The following FARS2 variants were observed in gnomAD, a reference collection of about 807,000 sequenced individuals.
FARS2 encodes the protein phenylalanine--tRNA ligase, mitochondrial.
A neutral mutation model predicts 46.4 loss-of-function variants in FARS2; 40 were observed. The ratio of observed to expected loss-of-function variants is 0.86; its 90% CI spans 0.67 to 1.12. The LOEUF (loss-of-function observed/expected upper bound fraction) is 1.12, where lower values mean the gene tolerates loss of function less well. FARS2 is among the 50% of genes most tolerant of loss of function. The probability of loss-of-function intolerance (pLI) is 0.00; values close to 1 mark genes in which losing one functional copy is unlikely to be tolerated. For missense variants in FARS2, 513 were observed against 567.9 expected (o/e 0.90, Z 0.98); for synonymous variants, 234 against 214.9 (o/e 1.09, Z -0.78).
rs542796717 is a variant in FARS2 at position 5,440,710 on chromosome 6, G to C, written c.904+9538G>C. Among the ~76,000 whole-genome samples, 8 of 152,220 alleles carry C rather than the reference G, an allele frequency of 5.3e-5. No individual in the cohort carries two copies. In the South Asian group the frequency reaches 1.2e-3, roughly 24 times the overall value. ...TTGTTATTGTTTTTTAGAAGTGGAG[G>C]GGGGGTGTCTCACTGTGTTGCCCAG... is the stretch of plus-strand genomic sequence containing the variant. On this transcript the variant is annotated intron_variant, in intron 4 of 6. Transcript: ENST00000274680.
intron 6 of FARS2, among the ~76,000 whole-genome samples, chr6:5,617,018 A>T (rs1306819025): frequency 6.6e-6 from 1 of 152,080 alleles, no homozygotes; most frequent in African/African-American, 2.4e-5. Flanking sequence ...GTTCAAGGGG[A>T]ATGCTGAATG....
intron 1 of FARS2, among the ~76,000 whole-genome samples, chr6:5,330,008 G>T (rs1770684313): frequency 6.6e-6 from 1 of 152,120 alleles, no homozygotes; most frequent in Admixed American, 6.5e-5. Flanking sequence ...TATTTCTGGA[G>T]ACCCTTGTCC....
chr6:5,703,963 T>G (rs182452477), intron 6 of FARS2, among the ~76,000 whole-genome samples: 1 of 152,218 alleles, frequency 6.6e-6, no homozygotes, highest in African/African-American at 2.4e-5. Context: ...CTGAGCTCCT[T>G]CCTCCCTCTT....
At chr6:5,721,810 T>G (rs1471421356) in intron 6 of FARS2, among the ~76,000 whole-genome samples, 1 of 152,248 alleles carries the variant, frequency 6.6e-6, no homozygotes, top group African/African-American at 2.4e-5. Context: ...CTGCCATCAT[T>G]GGTCTGTCAG....
intron 5 of FARS2, among the ~76,000 whole-genome samples, chr6:5,607,333 T>A (rs2150655292): frequency 6.9e-6 from 1 of 145,492 alleles, no homozygotes; most frequent in South Asian, 2.2e-4. Flanking sequence ...GTGTGTGTAT[T>A]TCTTAAAGAA....
chr6:5,639,098 C>G lies in FARS2; in HGVS notation c.1217+25778C>G, dbSNP rs561108412. ...AAAGAGACCTGTGTTCTGACCCCAG[C>G]TTCTCTCTCATCTGGACAAGTTACT... On this transcript the variant is annotated intron_variant, in intron 6 of 6. Coordinates refer to ENST00000274680, the MANE Select transcript of FARS2 (RefSeq NM_006567.5). 2.0e-5 allele frequency among the ~76,000 whole-genome samples: 3 copies of G among 152,346 alleles called. No individual in the cohort carries two copies. In the South Asian group the frequency reaches 6.2e-4, roughly 32 times the overall value.
At chr6:5,572,927 T>C (rs1052795225) in intron 5 of FARS2, among the ~76,000 whole-genome samples, 6 of 152,330 alleles carry the variant, frequency 3.9e-5, no homozygotes, top group African/African-American at 1.4e-4. Context: ...TACTGTCTCA[T>C]GTTAATAGTT....
At position 5,727,352 on chromosome 6, in the gene FARS2, C is replaced by G. The variant is rs1403911702; in HGVS notation, c.1218-43939C>G. ...GAACACTGCGTTTGTGCCTGTCTCA[C>G]AGCGCCTGCTACTTTCTCTGAGGCA... is the stretch of plus-strand genomic sequence containing the variant. On this transcript the variant is annotated intron_variant, in intron 6 of 6. Coordinates refer to ENST00000274680, the MANE Select transcript of FARS2 (RefSeq NM_006567.5). The surrounding 1 kb of genome is among the most constrained non-coding windows in gnomAD (Gnocchi z 4.1). Among the ~76,000 whole-genome samples, 2 of 152,246 alleles carry G rather than the reference C, an allele frequency of 1.3e-5. No homozygotes were observed. The highest frequency in any genetic ancestry group is 2.9e-5 in the Non-Finnish European group (2 of 68,048).
intron 1 of FARS2, among the ~76,000 whole-genome samples, chr6:5,361,658 T>C (rs771994222): frequency 6.6e-6 from 1 of 152,218 alleles, no homozygotes; most frequent in African/African-American, 2.4e-5. Context: ...CACCATTGTT[T>C]AGTAGAATAA....
chr6:5,367,386 A>T (rs139601840), intron 1 of FARS2, among the ~76,000 whole-genome samples: 2 of 152,298 alleles, frequency 1.3e-5, no homozygotes, highest in African/African-American at 4.8e-5. Context: ...AATGTAAATT[A>T]TTTGTGAACA....
At chr6:5,305,897 G>C (rs1768666447) in intron 1 of FARS2, among the ~76,000 whole-genome samples, 1 of 152,304 alleles carries the variant, frequency 6.6e-6, no homozygotes, top group Non-Finnish European at 1.5e-5. Context: ...TTTATACTGA[G>C]TGCCAAGAGA....
At chr6:5,732,463 C>G (rs1398524286) in intron 6 of FARS2, among the ~76,000 whole-genome samples, 1 of 152,168 alleles carries the variant, frequency 6.6e-6, no homozygotes, top group Non-Finnish European at 1.5e-5. Context: ...TGTAGCTCCT[C>G]TCCCTTCTGA....
At chr6:5,724,544 A>C (rs1760128600) in intron 6 of FARS2, among the ~76,000 whole-genome samples, 1 of 152,208 alleles carries the variant, frequency 6.6e-6, no homozygotes, top group African/African-American at 2.4e-5. Flanking sequence ...CCACTAGTTG[A>C]GAAGGGAGGA....
chr6:5,556,478 C>CTT (rs1771668448), intron 5 of FARS2, among the ~76,000 whole-genome samples: 3 of 151,902 alleles, frequency 2.0e-5, no homozygotes, highest in Admixed American at 2.0e-4. Flanking sequence ...TACTGTATAA[C>CTT]TTTAGCCTTA....
At chr6:5,720,169 G>A (rs1759797288) in intron 6 of FARS2, among the ~76,000 whole-genome samples, 1 of 151,904 alleles carries the variant, frequency 6.6e-6, no homozygotes, top group Admixed American at 6.6e-5. Flanking sequence ...AATACATTGC[G>A]AACTAGTTTT....
At chr6:5,757,918 T>G (rs1239565451) in intron 6 of FARS2, among the ~76,000 whole-genome samples, 1 of 152,260 alleles carries the variant, frequency 6.6e-6, no homozygotes, top group African/African-American at 2.4e-5. Flanking sequence ...CCCAGAGCTT[T>G]CTTTAGTTTT....
intron 5 of FARS2, among the ~76,000 whole-genome samples, chr6:5,550,974 C>G (rs1030328734): frequency 1.3e-5 from 2 of 152,212 alleles, no homozygotes; most frequent in African/African-American, 4.8e-5. Context: ...TCATGGCTTT[C>G]TCTCCAAAGC....
intron 4 of FARS2, among the ~76,000 whole-genome samples, chr6:5,442,197 A>G (rs886853043): frequency 6.6e-6 from 1 of 152,124 alleles, no homozygotes; most frequent in Non-Finnish European, 1.5e-5. Flanking sequence ...ACACAATTTT[A>G]TATATTTATT....
intron 1 of FARS2, among the ~76,000 whole-genome samples, chr6:5,286,438 T>G (rs1767116258): frequency 6.6e-6 from 1 of 152,070 alleles, no homozygotes; most frequent in African/African-American, 2.4e-5. Flanking sequence ...AATTTTTGTG[T>G]TATTTGTAGA....
Sources: gnomAD v4.1 joint callset for allele counts (sites outside exome capture counted in the v4.1 genomes callset) on GRCh38, gnomAD v4.1.1 for gene constraint, Gnocchi (gnomAD v3.1) non-coding constraint, MANE v1.5 for transcripts, NCBI Gene and HGNC (gene_info 2026-07-23, HGNC 2026-07-21) for gene names.